SNX13: variants seen among roughly 807,000 people sequenced by gnomAD.
SNX13 encodes sorting nexin 13.
A neutral mutation model predicts 133.6 loss-of-function variants in SNX13; 45 were observed. The ratio of observed to expected loss-of-function variants is 0.34; its 90% CI spans 0.27 to 0.43. SNX13 has a LOEUF of 0.43. Among genes scored for constraint, SNX13 ranks in the 20% least tolerant of loss-of-function variants. The pLI is 1.00. For synonymous variants in SNX13, 414 were observed against 373.9 expected (o/e 1.11, Z -1.24); for missense variants, 1,032 against 1,145.1 (o/e 0.90, Z 1.43).
At chr7:17,922,028 A>G (rs1800179913) in intron 1 of SNX13, among the ~76,000 whole-genome samples, 1 of 152,210 alleles carries the variant, frequency 6.6e-6, no homozygotes, top group Non-Finnish European at 1.5e-5. Flanking sequence ...CCTCATTTAC[A>G]TAACCCACTT....
At chr7:17,897,198 T>C (rs1307936961) in intron 2 of SNX13, 136 bp downstream of exon 2, 3 of 434,822 alleles carry the variant, frequency 6.9e-6, no homozygotes, top group Non-Finnish European at 1.2e-5. Context: ...GGTATCCTTA[T>C]TTTTTTAACT....
intron 25 of SNX13, chr7:17,794,827 AAATT>A (rs1248417239): frequency 2.6e-5 from 4 of 151,786 alleles, no homozygotes; most frequent in African/African-American, 9.7e-5. Flanking sequence ...GGAAAAAAAA[AAATT>A]AATCCCTGAT....
intron 1 of SNX13, among the ~76,000 whole-genome samples, chr7:17,910,932 A>T (rs1583737658): frequency 6.6e-6 from 1 of 152,288 alleles, no homozygotes; most frequent in Admixed American, 6.5e-5. Context: ...TCTTCTTTTT[A>T]GGGTGATAAA....
chr7:17,864,739 A>C (rs1793158229), intron 9 of SNX13, among the ~76,000 whole-genome samples: 1 of 151,990 alleles, frequency 6.6e-6, no homozygotes, highest in Non-Finnish European at 1.5e-5. Context: ...AAGGATAAAT[A>C]AAGAGTCCTA....
At chr7:17,810,571 G>C (rs1785888381) in intron 20 of SNX13, among the ~76,000 whole-genome samples, 1 of 151,844 alleles carries the variant, frequency 6.6e-6, no homozygotes, top group African/African-American at 2.4e-5. Flanking sequence ...TTCTACCAGA[G>C]GGACAGAGGA....
chr7:17,911,881 GTCTTGGGCA>G (rs1156822099), intron 1 of SNX13, among the ~76,000 whole-genome samples: 7 of 152,106 alleles, frequency 4.6e-5, no homozygotes, highest in Admixed American at 2.0e-4. Flanking sequence ...GACTAAATAA[GTCTTGGGCA>G]TCTTCCCCAG....
intron 17 of SNX13, 72 bp from the exon 18 acceptor site, chr7:17,821,720 C>A (rs1416703012): frequency 3.4e-5 from 50 of 1,467,358 alleles, no homozygotes; most frequent in Admixed American, 2.3e-4. Context: ...ACGAAAGACA[C>A]AAAAAAGGAG....
chr7:17,871,191 G>A (rs926284743), intron 8 of SNX13, among the ~76,000 whole-genome samples: 4 of 152,016 alleles, frequency 2.6e-5, no homozygotes, highest in Admixed American at 6.6e-5. Flanking sequence ...ATTTTTAGTA[G>A]AGACGGCGTT....
chr7:17,902,602 T>C (rs1208109761), intron 1 of SNX13, among the ~76,000 whole-genome samples: 4 of 152,224 alleles, frequency 2.6e-5, no homozygotes, highest in African/African-American at 9.6e-5. Context: ...GGATAAAATT[T>C]AGGGTAATTT....
At chr7:17,854,202 T>C (rs1389104273) in intron 9 of SNX13, among the ~76,000 whole-genome samples, 1 of 152,160 alleles carries the variant, frequency 6.6e-6, no homozygotes, top group Non-Finnish European at 1.5e-5. Context: ...AGATGTAAAA[T>C]ATATAATGAA....
At chr7:17,936,863 G>A (rs897299503) in intron 1 of SNX13, among the ~76,000 whole-genome samples, 1 of 151,428 alleles carries the variant, frequency 6.6e-6, no homozygotes, top group Non-Finnish European at 1.5e-5. Context: ...GGGATAGAGG[G>A]AGAGTGAGGA....
intron 5 of SNX13, chr7:17,882,768 G>A: frequency 8.5e-7 from 1 of 1,170,718 alleles, no homozygotes; most frequent in Non-Finnish European, 1.1e-6. Context: ...AACTGAAAGG[G>A]TTCTCAAATC....
chr7:17,807,343 G>A (rs894378583), intron 20 of SNX13, among the ~76,000 whole-genome samples: 2 of 152,106 alleles, frequency 1.3e-5, no homozygotes, highest in African/African-American at 4.8e-5. Context: ...TCCTTATAGT[G>A]TAAACAAAGC....
chr7:17,884,615 T>C (rs1031692569), intron 5 of SNX13, among the ~76,000 whole-genome samples: 2 of 152,198 alleles, frequency 1.3e-5, no homozygotes, highest in Admixed American at 6.5e-5. Context: ...TCCATGTTTT[T>C]TCCACACATT....
intron 9 of SNX13, among the ~76,000 whole-genome samples, chr7:17,861,708 G>A (rs982065894): frequency 6.6e-6 from 1 of 152,120 alleles, no homozygotes; most frequent in South Asian, 2.1e-4. Flanking sequence ...CAAGTGTAAG[G>A]AGGGCACCGT....
chr7:17,799,688 G>T (rs1273104816), intron 22 of SNX13, among the ~76,000 whole-genome samples: 1 of 151,656 alleles, frequency 6.6e-6, no homozygotes, highest in African/African-American at 2.4e-5. Flanking sequence ...ATTACAAAAG[G>T]CATAGTTTAC....
At chr7:17,853,980 G>T (rs1259719427) in intron 9 of SNX13, among the ~76,000 whole-genome samples, 3 of 151,440 alleles carry the variant, frequency 2.0e-5, no homozygotes, top group Non-Finnish European at 2.9e-5. Context: ...AAAAAGAAAA[G>T]AAAATTGGCA....
chr7:17,828,877 C>T lies in SNX13; in HGVS notation c.1635+1133G>A, dbSNP rs73681831. 5.0e-3 allele frequency among the ~76,000 whole-genome samples: 758 copies of T among 151,474 alleles called. 6 individuals carry two copies. Among genetic ancestry groups the T allele is most frequent in the African/African-American group, 0.017 (722 of 41,466 alleles). Reference sequence around the variant, plus strand: ...ATGTGAATACTAAAAAATTTCAAACCAAGGAAGGGTTTCATCACATTTGGA... The same window carrying T: ...ATGTGAATACTAAAAAATTTCAAACTAAGGAAGGGTTTCATCACATTTGGA... On this transcript the variant is annotated intron_variant, in intron 16 of 25. Coordinates refer to ENST00000428135, the MANE Select transcript of SNX13 (RefSeq NM_015132.5).
intron 1 of SNX13, among the ~76,000 whole-genome samples, chr7:17,909,257 G>A (rs892234345): frequency 1.3e-5 from 2 of 152,160 alleles, no homozygotes. Context: ...GTTGGTGGGA[G>A]TGTAAATTAG....
Sources: allele counts gnomAD v4.1 joint callset (sites outside exome capture counted in the v4.1 genomes callset), GRCh38; gene constraint gnomAD v4.1.1; transcripts MANE v1.5; gene names NCBI Gene and HGNC (gene_info 2026-07-23, HGNC 2026-07-21).